The following CCDC7 variants were observed in gnomAD, a reference collection of about 807,000 sequenced individuals.
CCDC7 encodes coiled-coil domain containing 7.
A neutral mutation model predicts 196.9 loss-of-function variants in CCDC7; 183 were observed. The ratio of observed to expected loss-of-function variants is 0.93; its 90% CI spans 0.82 to 1.05. The LOEUF is 1.05. CCDC7 is among the 50% of genes least tolerant of loss of function. The pLI, the probability that CCDC7 is intolerant of heterozygous loss-of-function variation, is 0.00. For synonymous variants in CCDC7, 525 were observed against 484.6 expected (o/e 1.08, Z -1.10); for missense variants, 1,540 against 1,482.2 (o/e 1.04, Z -0.64).
chr10:32,807,308 G>T (rs1290773245), intron 30 of CCDC7, among the ~76,000 whole-genome samples: 2 of 151,946 alleles, frequency 1.3e-5, no homozygotes, highest in Non-Finnish European at 2.9e-5. Flanking sequence ...GAATTTTATT[G>T]CTGGGACTTT....
rs572280112 is a variant in CCDC7 at position 32,562,646 on chromosome 10, A to G, written c.1135-2912A>G. Among the ~76,000 whole-genome samples, 854 of 152,298 alleles carry G rather than the reference A, an allele frequency of 5.6e-3. 14 individuals carry two copies. Among genetic ancestry groups the G allele is most frequent in the African/African-American group, 0.02 (834 of 41,534 alleles). ...AATAAATTAGGTATTGATGGGACGTATCTCAAAATAATAAGAGCTATCTAT... is the reference window on the plus strand; with the variant it reads ...AATAAATTAGGTATTGATGGGACGTGTCTCAAAATAATAAGAGCTATCTAT... On this transcript the variant is annotated intron_variant, in intron 13 of 41. Coordinates refer to ENST00000639629, the Ensembl canonical transcript of CCDC7.
intron 41 of CCDC7, among the ~76,000 whole-genome samples, chr10:32,860,645 G>T (rs2093945996): frequency 6.6e-6 from 1 of 152,188 alleles, no homozygotes; most frequent in Non-Finnish European, 1.5e-5. Context: ...CAGATGACAT[G>T]ATTGTATATT....
At chr10:32,472,730 G>A (rs2038199219) in intron 7 of CCDC7, among the ~76,000 whole-genome samples, 188 bp downstream of exon 8, 1 of 151,990 alleles carries the variant, frequency 6.6e-6, no homozygotes, top group Non-Finnish European at 1.5e-5. Context: ...GAGGTAGCTA[G>A]GACCACAGGC....
chr10:32,826,104 A>G (rs1286723126), intron 32 of CCDC7, among the ~76,000 whole-genome samples: 1 of 152,206 alleles, frequency 6.6e-6, no homozygotes, highest in Admixed American at 6.5e-5. Flanking sequence ...GGCAGTTGCC[A>G]GGCAAGATAA....
chr10:32,537,490 T>A (rs893048485), intron 11 of CCDC7, among the ~76,000 whole-genome samples: 1 of 152,212 alleles, frequency 6.6e-6, no homozygotes, highest in Admixed American at 6.5e-5. Flanking sequence ...ATGCAGAAGC[T>A]CTTTAGTTTG....
At chr10:32,485,132 C>G (rs184315412) in intron 8 of CCDC7, among the ~76,000 whole-genome samples, 6,163 of 152,206 alleles carry the variant, frequency 0.04, 132 homozygotes, top group Middle Eastern at 0.051. Context: ...TGGTCCTGGA[C>G]TTTTTTTGGT....
At chr10:32,623,886 T>G in intron 18 of CCDC7, 1 of 425,558 alleles carries the variant, frequency 2.3e-6, no homozygotes, top group Non-Finnish European at 4.8e-6. Flanking sequence ...TCGCCTGAAC[T>G]GAGTGAGAAC....
intron 9 of CCDC7, among the ~76,000 whole-genome samples, chr10:32,496,735 T>C (rs1396155623): frequency 6.6e-6 from 1 of 152,230 alleles, no homozygotes; most frequent in East Asian, 1.9e-4. Flanking sequence ...ATCCCAGGAA[T>C]GAAGCCCACT....
intron 19 of CCDC7, among the ~76,000 whole-genome samples, 164 bp downstream of exon 20, chr10:32,634,528 C>G (rs1432359650): frequency 6.6e-6 from 1 of 152,124 alleles, no homozygotes; most frequent in Non-Finnish European, 1.5e-5. Flanking sequence ...TCCCGAGTAG[C>G]TGGGATTACA....
chr10:32,706,747 A>G (rs1033318499), intron 24 of CCDC7, among the ~76,000 whole-genome samples: 1 of 152,242 alleles, frequency 6.6e-6, no homozygotes, highest in Admixed American at 6.5e-5. Context: ...CTGGACACAT[A>G]TGCCCTCCAA....
intron 28 of CCDC7, among the ~76,000 whole-genome samples, chr10:32,735,417 C>T (rs1031567513): frequency 2.0e-5 from 3 of 152,124 alleles, no homozygotes; most frequent in African/African-American, 7.2e-5. Flanking sequence ...CATGTAGTGG[C>T]ATCTCAATGT....
intron 18 of CCDC7, among the ~76,000 whole-genome samples, chr10:32,595,248 G>A (rs1268001052): frequency 1.3e-5 from 2 of 152,150 alleles, no homozygotes; most frequent in Non-Finnish European, 2.9e-5. Context: ...TCTATTCAGG[G>A]ATTCAACTTC....
At chr10:32,811,207 C>T (rs117000102) in intron 30 of CCDC7, among the ~76,000 whole-genome samples, 6,030 of 151,784 alleles carry the variant, frequency 0.04, 126 homozygotes, top group Non-Finnish European at 0.05. Flanking sequence ...AAAGGATCAA[C>T]CAAATCAAAA....
At chr10:32,476,149 C>A (rs56026642) in intron 8 of CCDC7, among the ~76,000 whole-genome samples, 6 of 152,240 alleles carry the variant, frequency 3.9e-5, no homozygotes, top group Non-Finnish European at 8.8e-5. Flanking sequence ...TGTCTTGGAT[C>A]CACCATTACA....
chr10:32,449,578 G>T (rs758035001), upstream of CCDC7, among the ~76,000 whole-genome samples: 2 of 152,082 alleles, frequency 1.3e-5, no homozygotes, highest in African/African-American at 2.4e-5. Flanking sequence ...TGTTTGTCTG[G>T]TAATCTATTA....
chr10:32,572,277 A>G (rs768854067), intron 16 of CCDC7, among the ~76,000 whole-genome samples: 1 of 152,168 alleles, frequency 6.6e-6, no homozygotes, highest in Non-Finnish European at 1.5e-5. Flanking sequence ...CTCAGTTACT[A>G]TATGCACACA....
At chr10:32,454,678 C>T (rs1425897570) in intron 2 of CCDC7, among the ~76,000 whole-genome samples, 1 of 152,032 alleles carries the variant, frequency 6.6e-6, no homozygotes, top group Non-Finnish European at 1.5e-5. Flanking sequence ...CTTCGGATAT[C>T]CCCTTTATTT....
At chr10:32,740,489 C>G (rs2133127953) in intron 28 of CCDC7, among the ~76,000 whole-genome samples, 1 of 152,214 alleles carries the variant, frequency 6.6e-6, no homozygotes, top group African/African-American at 2.4e-5. Context: ...CCAACATATA[C>G]AGAGGACCCA....
intron 25 of CCDC7, among the ~76,000 whole-genome samples, chr10:32,720,928 C>CA (rs765026494): frequency 2.0e-5 from 3 of 151,884 alleles, no homozygotes; most frequent in African/African-American, 4.8e-5. Flanking sequence ...CCTGTGTCTA[C>CA]AAAAAAATGC....
Sources: gnomAD v4.1 joint callset for allele counts (sites outside exome capture counted in the v4.1 genomes callset) on GRCh38, gnomAD v4.1.1 for gene constraint, MANE v1.5 for transcripts, NCBI Gene and HGNC (gene_info 2026-07-23, HGNC 2026-07-21) for gene names.